The following RIMS1 variants were observed in gnomAD, a reference collection of about 807,000 sequenced individuals.
RIMS1 encodes the protein regulating synaptic membrane exocytosis 1.
RIMS1 carries 83 observed loss-of-function variants against 214.1 expected under a neutral mutation model. That is an observed-to-expected ratio of 0.39 (90% CI 0.32 to 0.47). RIMS1 has a LOEUF of 0.47. RIMS1 is among the 20% of genes least tolerant of loss of function. The pLI is 0.99. For synonymous variants in RIMS1, 793 were observed against 786.8 expected (o/e 1.01, Z -0.13); for missense variants, 2,050 against 2,161.8 (o/e 0.95, Z 1.03).
chr6:72,150,271 T>C (rs2043357585), intron 4 of RIMS1, among the ~76,000 whole-genome samples: 1 of 151,886 alleles, frequency 6.6e-6, no homozygotes, highest in African/African-American at 2.4e-5. Flanking sequence ...GAAAGGTAGG[T>C]ATATGTAAAA....
chr6:71,919,572 A>G (rs529453788), intron 1 of RIMS1, among the ~76,000 whole-genome samples: 27 of 152,264 alleles, frequency 1.8e-4, no homozygotes, highest in African/African-American at 6.5e-4. Context: ...GCTTATGGTG[A>G]AAGTCATGAG....
chr6:71,986,224 TAGTAGAGA>T, intron 2 of RIMS1, among the ~76,000 whole-genome samples: 1 of 151,242 alleles, frequency 6.6e-6, no homozygotes. Context: ...TTCACCCTCT[TAGTAGAGA>T]GATACTAGGT....
intron 2 of RIMS1, among the ~76,000 whole-genome samples, chr6:72,017,824 G>A (rs1322864605): frequency 1.3e-5 from 2 of 152,192 alleles, no homozygotes; most frequent in African/African-American, 4.8e-5. Flanking sequence ...TGACATTTCA[G>A]TAACAACCTG....
chr6:72,179,489 T>C (rs2048161230), intron 4 of RIMS1, 86 bp from the exon 5 acceptor site: 1 of 1,129,228 alleles, frequency 8.9e-7, no homozygotes, highest in Non-Finnish European at 1.3e-6. Context: ...AATACTGTTC[T>C]TTTTTTCTTA....
In RIMS1 at chr6:71,886,872, T is replaced by TGCTGCTGCTGCTGCCGCCGCCGCC; in HGVS notation, c.-145_-122dup. On this transcript the variant is annotated 5_prime_UTR_variant, in exon 1 of 34. Transcript: ENST00000521978. ...GGGTTCTCGCTCTCCCCGGCTCTGC[T>TGCTGCTGCTGCTGCCGCCGCCGCC]GCTGCTGCTGCTGCCGCCGCCGCCG... 1 of 763,508 alleles carries TGCTGCTGCTGCTGCCGCCGCCGCC rather than the reference T, an allele frequency of 1.3e-6. No individual in the cohort carries two copies. The highest frequency in any genetic ancestry group is 2.2e-6 in the Non-Finnish European group (1 of 465,026). The allele number at this position is 763,508 out of a possible 1,614,324, so 47.3% of individuals were successfully genotyped here.
At chr6:72,217,874 G>A (rs1168905506) in intron 6 of RIMS1, among the ~76,000 whole-genome samples, 1 of 152,142 alleles carries the variant, frequency 6.6e-6, no homozygotes, top group Non-Finnish European at 1.5e-5. Flanking sequence ...AGATTTGGGT[G>A]TGTGACCTTG....
At chr6:72,203,413 AAT>A (rs2052379078) in intron 6 of RIMS1, among the ~76,000 whole-genome samples, 2 of 152,170 alleles carry the variant, frequency 1.3e-5, no homozygotes, top group Non-Finnish European at 2.9e-5. Context: ...AGAAAGAACC[AAT>A]GTGTCATTCT....
intron 2 of RIMS1, among the ~76,000 whole-genome samples, chr6:72,089,780 C>T (rs1275490283): frequency 7.6e-6 from 1 of 131,442 alleles, no homozygotes; most frequent in Non-Finnish European, 1.7e-5. Context: ...AAATGTCCAA[C>T]AATGATAGAC....
intron 4 of RIMS1, among the ~76,000 whole-genome samples, chr6:72,148,953 C>T (rs1043151080): frequency 1.3e-5 from 2 of 151,648 alleles, no homozygotes; most frequent in African/African-American, 4.9e-5. Context: ...AAAGGAGTCC[C>T]AGGAATTGGG....
intron 29 of RIMS1, 144 bp downstream of exon 29, chr6:72,333,979 G>T (rs1049523305): frequency 3.1e-6 from 2 of 651,808 alleles, no homozygotes; most frequent in African/African-American, 1.8e-5. Flanking sequence ...CTGAAAATCT[G>T]CTAAATTTAT....
chr6:72,132,378 T>G (rs1433075463), intron 4 of RIMS1, among the ~76,000 whole-genome samples: 2 of 152,212 alleles, frequency 1.3e-5, no homozygotes, highest in African/African-American at 4.8e-5. Context: ...GTCCCTCTGT[T>G]TGGGGTCCCT....
intron 19 of RIMS1, chr6:72,261,114 C>A (rs1217054528): frequency 8.5e-7 from 1 of 1,183,208 alleles, no homozygotes; most frequent in Admixed American, 3.8e-5. Context: ...CCTGTCTAGT[C>A]ACAAGAGGTC....
chr6:71,979,646 C>T (rs1584029642), intron 2 of RIMS1, among the ~76,000 whole-genome samples: 1 of 152,204 alleles, frequency 6.6e-6, no homozygotes, highest in East Asian at 1.9e-4. Context: ...CCTCTCAAAA[C>T]ATAGACTGTA....
At chr6:72,380,383 A>G (rs1340065739) in intron 29 of RIMS1, among the ~76,000 whole-genome samples, 1 of 152,160 alleles carries the variant, frequency 6.6e-6, no homozygotes, top group Non-Finnish European at 1.5e-5. Flanking sequence ...GTACCCTAGA[A>G]CTTAAAGTAT....
intron 4 of RIMS1, among the ~76,000 whole-genome samples, chr6:72,144,521 G>A (rs1175035936): frequency 6.6e-6 from 1 of 152,124 alleles, no homozygotes; most frequent in Non-Finnish European, 1.5e-5. Context: ...AAAGTCCTAA[G>A]GCTGCTGACA....
At chr6:72,015,951 C>A (rs1357951959) in intron 2 of RIMS1, among the ~76,000 whole-genome samples, 1 of 151,980 alleles carries the variant, frequency 6.6e-6, no homozygotes, top group African/African-American at 2.4e-5. Flanking sequence ...ATATTAGGTG[C>A]TTCTCATAGA....
intron 2 of RIMS1, among the ~76,000 whole-genome samples, chr6:72,000,508 C>G (rs1046281881): frequency 6.6e-6 from 1 of 152,116 alleles, no homozygotes; most frequent in Admixed American, 6.5e-5. Flanking sequence ...AACCCATAAT[C>G]ACACTTAAAT....
chr6:72,029,163 C>T (rs1817380772), intron 2 of RIMS1, among the ~76,000 whole-genome samples: 1 of 152,134 alleles, frequency 6.6e-6, no homozygotes, highest in Non-Finnish European at 1.5e-5. Context: ...CCTATCACCT[C>T]TCTTTCTGCA....
chr6:72,147,877 A>G (rs774137985), intron 4 of RIMS1, among the ~76,000 whole-genome samples: 18 of 152,076 alleles, frequency 1.2e-4, no homozygotes, highest in Non-Finnish European at 2.1e-4. Flanking sequence ...TCCTGCAACT[A>G]TTTTGCACAG....
Sources: gnomAD v4.1 joint callset for allele counts (sites outside exome capture counted in the v4.1 genomes callset) on GRCh38, gnomAD v4.1.1 for gene constraint, MANE v1.5 for transcripts, NCBI Gene and HGNC (gene_info 2026-07-23, HGNC 2026-07-21) for gene names.